The following SGCE variants were observed in gnomAD, a reference collection of about 807,000 sequenced individuals.
SGCE encodes the protein epsilon-sarcoglycan.
In SGCE, 26 loss-of-function variants were observed where a neutral mutation model predicts 57.8. The observed-to-expected ratio is 0.45, with a 90% CI of 0.33 to 0.62. SGCE has a LOEUF of 0.62. Among genes scored for constraint, SGCE ranks in the 20% least tolerant of loss-of-function variants. The pLI is 0.02. For synonymous variants in SGCE, 183 were observed against 189.5 expected (o/e 0.97, Z 0.28); for missense variants, 468 against 548.6 (o/e 0.85, Z 1.47).
chr7:94,588,502 C>T lies in SGCE; in HGVS notation c.1297+187G>A, dbSNP rs187570753. Reference sequence around the variant, plus strand: ...CTAAGATCATTTACCCTGTGTTTATCATTCTGATGCCAATCTATGTAATAA... The same window carrying T: ...CTAAGATCATTTACCCTGTGTTTATTATTCTGATGCCAATCTATGTAATAA... On this transcript the variant is annotated intron_variant, in intron 10 of 10. Transcript: ENST00000648936. 8 of 1,418,808 alleles carry T rather than the reference C, an allele frequency of 5.6e-6. No homozygotes were observed. In the East Asian group the frequency reaches 1.1e-4, roughly 19 times the overall value. The allele number at this position is 1,418,808 out of a possible 1,614,324, so 87.9% of individuals were successfully genotyped here. A position where few individuals can be genotyped will look rare whatever the true frequency, so the allele number is the denominator to read the frequency against.
At chr7:94,614,315 T>A (rs1312180458) in intron 5 of SGCE, among the ~76,000 whole-genome samples, 1 of 151,998 alleles carries the variant, frequency 6.6e-6, no homozygotes, top group Admixed American at 6.6e-5. Flanking sequence ...CCAGCACCTA[T>A]ATCCACACAG....
At chr7:94,621,643 T>G (rs147895647) in intron 4 of SGCE, 1 of 152,306 alleles carries the variant, frequency 6.6e-6, no homozygotes, top group African/African-American at 2.4e-5. Context: ...TTTGAGAGCA[T>G]AATGGTGAGG....
intron 9 of SGCE, among the ~76,000 whole-genome samples, chr7:94,595,603 C>T (rs1269601367): frequency 6.6e-6 from 1 of 152,018 alleles, no homozygotes; most frequent in Non-Finnish European, 1.5e-5. Context: ...TATAATATCA[C>T]ATTTTAATCT....
At position 94,639,543 on chromosome 7, in the gene SGCE, G is replaced by A. The variant is rs1442237348; in HGVS notation, c.110-9702C>T. On this transcript the variant is annotated intron_variant, in intron 1 of 10. Transcript: ENST00000648936. Reference sequence around the variant, plus strand: ...GATCACCTACAATTAACTGGGATCAGATTCCTTCCAGCCCAGCTAACTGTT... The same window carrying A: ...GATCACCTACAATTAACTGGGATCAAATTCCTTCCAGCCCAGCTAACTGTT... 3 of 717,984 alleles carry A rather than the reference G, an allele frequency of 4.2e-6. No homozygotes were observed. The African/African-American group carries it at 5.3e-5, about 13-fold the overall frequency. The allele number at this position is 717,984 out of a possible 1,614,324, so 44.5% of individuals were successfully genotyped here. A position where few individuals can be genotyped will look rare whatever the true frequency, so the allele number is the denominator to read the frequency against.
At chr7:94,637,798 G>A (rs1368605868) in intron 1 of SGCE, among the ~76,000 whole-genome samples, 1 of 152,186 alleles carries the variant, frequency 6.6e-6, no homozygotes, top group East Asian at 1.9e-4. Context: ...AGGGATGACT[G>A]CAATCTAGTG....
chr7:94,597,822 C>T (rs1344024264), intron 9 of SGCE: 1 of 152,240 alleles, frequency 6.6e-6, no homozygotes, highest in Non-Finnish European at 1.5e-5. Context: ...GCCTGGCCAA[C>T]ATGGTGAAAC....
At chr7:94,591,638 G>T (rs1361968243) in intron 9 of SGCE, among the ~76,000 whole-genome samples, 1 of 152,112 alleles carries the variant, frequency 6.6e-6, no homozygotes, top group Non-Finnish European at 1.5e-5. Flanking sequence ...CACTTCTCTT[G>T]TTGGCCCTCC....
chr7:94,599,962 T>C, intron 7 of SGCE: 1 of 378,000 alleles, frequency 2.6e-6, no homozygotes, highest in Non-Finnish European at 4.7e-6. Flanking sequence ...AATCAAGGCC[T>C]TGATTGAAAT....
intron 9 of SGCE, among the ~76,000 whole-genome samples, chr7:94,596,536 C>T (rs1002612725): frequency 2.6e-5 from 4 of 152,088 alleles, no homozygotes; most frequent in Non-Finnish European, 4.4e-5. Flanking sequence ...CTGACCTTTT[C>T]CTATGGATTC....
chr7:94,624,800 T>G (rs370611984), intron 3 of SGCE: 2 of 152,070 alleles, frequency 1.3e-5, no homozygotes, highest in African/African-American at 4.8e-5. Context: ...TTAATAGCAA[T>G]ATTTTTATGG....
At chr7:94,626,130 A>C (rs935400914) in intron 3 of SGCE, 1 of 152,064 alleles carries the variant, frequency 6.6e-6, no homozygotes, top group South Asian at 2.1e-4. Flanking sequence ...TTAGTGAAAT[A>C]TCTGTTTCTT....
intron 9 of SGCE, among the ~76,000 whole-genome samples, chr7:94,593,669 A>G (rs1797999342): frequency 6.6e-6 from 1 of 152,000 alleles, no homozygotes; most frequent in Admixed American, 6.6e-5. Context: ...TTCCTCAGGC[A>G]GTTTAAGGAG....
At chr7:94,634,491 G>T (rs1805264750) in intron 1 of SGCE, among the ~76,000 whole-genome samples, 1 of 152,166 alleles carries the variant, frequency 6.6e-6, no homozygotes, top group Non-Finnish European at 1.5e-5. Flanking sequence ...CAAGTTGTCA[G>T]CTGTCATTTC....
intron 4 of SGCE, chr7:94,619,463 A>G (rs1332007398): frequency 6.6e-6 from 1 of 152,342 alleles, no homozygotes; most frequent in Admixed American, 6.5e-5. Flanking sequence ...TTTCCTCCTC[A>G]ATGTGTCATC....
intron 1 of SGCE, among the ~76,000 whole-genome samples, chr7:94,632,127 T>C (rs767465876): frequency 3.3e-5 from 5 of 152,178 alleles, no homozygotes; most frequent in Admixed American, 1.3e-4. Context: ...TCATCCTTCA[T>C]TGACATTATA....
At chr7:94,637,272 A>T (rs1011233363) in intron 1 of SGCE, among the ~76,000 whole-genome samples, 3 of 152,196 alleles carry the variant, frequency 2.0e-5, no homozygotes, top group Non-Finnish European at 4.4e-5. Flanking sequence ...TAATTTTAAA[A>T]GTGATGAAAC....
At chr7:94,609,823 C>T (rs1020816108) in intron 5 of SGCE, among the ~76,000 whole-genome samples, 3 of 152,164 alleles carry the variant, frequency 2.0e-5, no homozygotes, top group African/African-American at 7.2e-5. Flanking sequence ...AAATAACATA[C>T]TTTTACCATA....
At chr7:94,597,459 C>T (rs987371150) in intron 9 of SGCE, 3 of 152,106 alleles carry the variant, frequency 2.0e-5, no homozygotes, top group Non-Finnish European at 2.9e-5. Flanking sequence ...ACAGAATAAG[C>T]ACTCAATGGG....
Position 94,588,685 on chromosome 7 carries a change from T to G in SGCE, c.1297+4A>C. 1 of 1,588,746 alleles carries G rather than the reference T, an allele frequency of 6.3e-7. No individual in the cohort carries two copies. Among genetic ancestry groups the G allele is most frequent in the Non-Finnish European group, 8.6e-7 (1 of 1,156,998 alleles). On this transcript the variant is annotated splice_donor_region_variant and intron_variant, in intron 10 of 10. Transcript: ENST00000648936. ...AACATTAATTTATTATTCTTAGCAC[T>G]CACCTGTAGTCTGCTGTTGGGGAAT...
Sources: gnomAD v4.1 joint callset for allele counts (sites outside exome capture counted in the v4.1 genomes callset) on GRCh38, gnomAD v4.1.1 for gene constraint, MANE v1.5 for transcripts, NCBI Gene and HGNC (gene_info 2026-07-23, HGNC 2026-07-21) for gene names.